Variants in COL4A3 observed in about 807,000 individuals in gnomAD.
COL4A3 encodes collagen type IV alpha 3 chain.
Under a neutral mutation model 217.4 loss-of-function variants are expected in COL4A3, and 135 were observed. That is an observed-to-expected ratio of 0.62 (90% CI 0.54 to 0.72). The LOEUF (loss-of-function observed/expected upper bound fraction) is 0.72, where lower values mean the gene tolerates loss of function less well. COL4A3 is among the 30% of genes least tolerant of loss of function. The probability of loss-of-function intolerance (pLI) is 0.00; values close to 1 mark genes in which losing one functional copy is unlikely to be tolerated. For missense variants in COL4A3, 1,868 were observed against 2,119.9 expected (o/e 0.88, Z 2.33); for synonymous variants, 690 against 736.3 (o/e 0.94, Z 1.02).
At chr2:227,187,882 A>AG (rs1238459860) in intron 1 of COL4A3, among the ~76,000 whole-genome samples, 2 of 152,096 alleles carry the variant, frequency 1.3e-5, no homozygotes. Flanking sequence ...CCATATCTCC[A>AG]GAGGGAATAA....
chr2:227,293,423 G>T, intron 38 of COL4A3, 106 bp downstream of exon 38: 1 of 1,324,970 alleles, frequency 7.5e-7, no homozygotes, highest in Non-Finnish European at 1.0e-6. Context: ...TTATGCTGCA[G>T]TTGCTTTTAT....
At chr2:227,219,799 CTT>C (rs2125816826) in intron 1 of COL4A3, among the ~76,000 whole-genome samples, 1 of 152,230 alleles carries the variant, frequency 6.6e-6, no homozygotes, top group East Asian at 1.9e-4. Context: ...ACACCTATGA[CTT>C]ATGTTATCTG....
At chr2:227,174,739 C>T (rs115505020) in intron 1 of COL4A3, among the ~76,000 whole-genome samples, 1,995 of 152,192 alleles carry the variant, frequency 0.013, 24 homozygotes, top group Middle Eastern at 0.02. Context: ...ACTCCTGACC[C>T]GAAGTGATCC....
At chr2:227,247,240 T>C (rs2069403186) in intron 7 of COL4A3, among the ~76,000 whole-genome samples, 2 of 152,156 alleles carry the variant, frequency 1.3e-5, no homozygotes, top group South Asian at 4.1e-4. Flanking sequence ...TACTGACATG[T>C]TGGCATTGGT....
At chr2:227,244,766 C>T in intron 4 of COL4A3, 185 bp from the exon 5 acceptor site, 1 of 776,172 alleles carries the variant, frequency 1.3e-6, no homozygotes, top group Admixed American at 1.8e-5. Context: ...TTAAGAGTTA[C>T]ATAAATGTGA....
Position 227,309,200 on chromosome 2 carries a change from A to G in COL4A3, c.4641-4A>G, listed in dbSNP as rs566368802. On this transcript the variant is annotated splice_region_variant and splice_polypyrimidine_tract_variant and intron_variant, in intron 49 of 51. Transcript: ENST00000396578. ...GCCGCCATAGTCTTTGTTTCATGTTACAGATGCACTGTTTGTGAAGGTCCT... is the reference window on the plus strand; with the variant it reads ...GCCGCCATAGTCTTTGTTTCATGTTGCAGATGCACTGTTTGTGAAGGTCCT... 3 of 1,614,060 alleles carry G rather than the reference A, an allele frequency of 1.9e-6. No homozygotes were observed. The highest frequency in any genetic ancestry group is 1.1e-5 in the South Asian group (1 of 91,078).
chr2:227,165,022 T>TG (rs1306660281), intron 1 of COL4A3, among the ~76,000 whole-genome samples: 1 of 151,898 alleles, frequency 6.6e-6, no homozygotes, highest in East Asian at 1.9e-4. Flanking sequence ...TGCGCGGGGC[T>TG]GGGGGAAGAG....
Position 227,191,680 on chromosome 2 carries a change from T to C in COL4A3, c.87+26867T>C, listed in dbSNP as rs897323174. ...TTACATTATGGCCTGCAAGAAACTT[T>C]ATTCTAATAAAAGACAACTGTGTTT... is the stretch of plus-strand genomic sequence containing the variant. On this transcript the variant is annotated intron_variant, in intron 1 of 51. Transcript: ENST00000396578. This position sits in a 1 kb window ranked among gnomAD's most constrained non-coding sequence, Gnocchi z 6.8. 6.6e-6 allele frequency among the ~76,000 whole-genome samples: 1 copy of C among 152,240 alleles called. No homozygotes were observed. Among genetic ancestry groups the C allele is most frequent in the Non-Finnish European group, 1.5e-5 (1 of 68,044 alleles).
chr2:227,186,437 A>G (rs751781806), intron 1 of COL4A3, among the ~76,000 whole-genome samples: 1 of 152,170 alleles, frequency 6.6e-6, no homozygotes, highest in Non-Finnish European at 1.5e-5. Context: ...TGGCATCATC[A>G]TCTCTGCTCT....
In COL4A3 at chr2:227,202,763, A is replaced by G. The variant is rs796208808; in HGVS notation, c.88-35205A>G. Among the ~76,000 whole-genome samples, 18 of 109,626 alleles carry G rather than the reference A, an allele frequency of 1.6e-4. 2 individuals are homozygous for G. The highest frequency in any genetic ancestry group is 3.1e-4 in the Non-Finnish European group (16 of 51,496). The allele number at this position is 109,626 out of a possible 152,430, so 71.9% of individuals were successfully genotyped here. Reference sequence around the variant, plus strand: ...AAAAAAAAAATATATATATATATATATATATATATCACATATATATACACA... The same window carrying G: ...AAAAAAAAAATATATATATATATATGTATATATATCACATATATATACACA... On this transcript the variant is annotated intron_variant, in intron 1 of 51. Coordinates refer to ENST00000396578, the MANE Select transcript of COL4A3 (RefSeq NM_000091.5).
At chr2:227,249,230 A>ATATATATTTTTTTTTTTTT in intron 9 of COL4A3, among the ~76,000 whole-genome samples, 3 of 14,692 alleles carry the variant, frequency 2.0e-4, no homozygotes, top group African/African-American at 5.3e-4. Context: ...ATATATATAT[A>ATATATATTTTTTTTTTTTT]TTTTTTTTTT....
At chr2:227,280,398 T>G (rs1163242066) in intron 29 of COL4A3, 42 bp from the exon 30 acceptor site, 1 of 1,609,922 alleles carries the variant, frequency 6.2e-7, no homozygotes, top group Non-Finnish European at 8.5e-7. Flanking sequence ...CAGTGAAGAT[T>G]TGGAAGCACT....
chr2:227,198,192 A>G (rs2066554603), intron 1 of COL4A3, among the ~76,000 whole-genome samples: 1 of 152,174 alleles, frequency 6.6e-6, no homozygotes, highest in African/African-American at 2.4e-5. Context: ...CATCTTCTGT[A>G]AGTGATAGTG....
chr2:227,230,531 G>GT (rs1033562272), intron 1 of COL4A3, among the ~76,000 whole-genome samples: 2 of 151,976 alleles, frequency 1.3e-5, no homozygotes, highest in African/African-American at 4.8e-5. Flanking sequence ...GGCCATCCTG[G>GT]TTTTTTATGT....
At chr2:227,290,468 C>T (rs1478013481) in intron 36 of COL4A3, among the ~76,000 whole-genome samples, 1 of 152,028 alleles carries the variant, frequency 6.6e-6, no homozygotes, top group African/African-American at 2.4e-5. Context: ...CTGCTGCACT[C>T]CAGCATGGGC....
In COL4A3 at chr2:227,248,488, G is replaced by A. The variant is rs377575924; in HGVS notation, c.514G>A (p.Asp172Asn). Reference protein sequence around the residue: ...EEDIELDAKGDPGLPGAPGPQ... With the variant: ...EEDIELDAKGNPGLPGAPGPQ... ...AGATATAGAACTTGATGCAAAAGGCGACCCCGGGTTGCCAGGGGCTCCAGG... is the reference window on the plus strand; with the variant it reads ...AGATATAGAACTTGATGCAAAAGGCAACCCCGGGTTGCCAGGGGCTCCAGG... The change falls in exon 9 of 52, where the codon GAC becomes AAC. Residue 172 changes from aspartate (D) to asparagine (N), a missense_variant. Physicochemically the swap from Asp to Asn is conservative, Grantham distance 23. Transcript: ENST00000396578. 7.4e-5 allele frequency: 119 copies of A among 1,613,198 alleles called. No individual in the cohort carries two copies. Among genetic ancestry groups the A allele is most frequent in the Non-Finnish European group, 9.4e-5 (111 of 1,179,492 alleles).
chr2:227,304,469 G>C (rs955297396), intron 46 of COL4A3: 10 of 342,246 alleles, frequency 2.9e-5, no homozygotes, highest in Non-Finnish European at 4.4e-5. Context: ...CTAAATGATT[G>C]TCTGAATATA....
At chr2:227,248,625 C>A in intron 9 of COL4A3, 105 bp downstream of exon 9, 1 of 760,586 alleles carries the variant, frequency 1.3e-6, no homozygotes, top group Non-Finnish European at 2.3e-6. Context: ...AAGTCCCTCT[C>A]ACTCTCTTAA....
intron 29 of COL4A3, 73 bp from the exon 30 acceptor site, chr2:227,280,367 T>G: frequency 6.4e-7 from 1 of 1,560,688 alleles, no homozygotes; most frequent in Non-Finnish European, 8.8e-7. Context: ...ACTTAGAGCC[T>G]CCATAACAGA....
Sources: gnomAD v4.1 joint callset for allele counts (sites outside exome capture counted in the v4.1 genomes callset) on GRCh38, gnomAD v4.1.1 for gene constraint, Gnocchi (gnomAD v3.1) non-coding constraint, MANE v1.5 for transcripts, NCBI Gene and HGNC (gene_info 2026-07-23, HGNC 2026-07-21) for gene names.